The following PDGFA variants were observed in gnomAD, a reference collection of about 807,000 sequenced individuals.
PDGFA encodes platelet derived growth factor subunit A, also known as platelet-derived growth factor subunit A.
Under a neutral mutation model 25.6 loss-of-function variants are expected in PDGFA, and 9 were observed. That is an observed-to-expected ratio of 0.35 (90% CI 0.21 to 0.61). The LOEUF is 0.61. Ranked by LOEUF, PDGFA falls within the 20% of genes least tolerant of loss-of-function variation. The probability of loss-of-function intolerance (pLI) is 0.75; values close to 1 mark genes in which losing one functional copy is unlikely to be tolerated. For missense variants in PDGFA, 242 were observed against 272.8 expected, an observed-to-expected ratio of 0.89 and a Z score of 0.79; for synonymous variants, 133 against 111.8, an observed-to-expected ratio of 1.19 and a Z score of -1.20.
rs549660824 is a variant in PDGFA, at chr7:509,790, A to G, written c.453+1019T>C. On this transcript the variant is annotated intron_variant, in intron 4 of 5. Coordinates refer to ENST00000402802, the Ensembl canonical transcript of PDGFA. Reference sequence around the variant, plus strand: ...GACTTCCAGCCTCCAGAACTTTGAGAAATACATTTGTTGCTAATCAGCTCC... The same window carrying G: ...GACTTCCAGCCTCCAGAACTTTGAGGAATACATTTGTTGCTAATCAGCTCC... Among the ~76,000 whole-genome samples, 6 of 152,212 alleles carry G rather than the reference A, an allele frequency of 3.9e-5. No homozygotes were observed. The South Asian group carries it at 8.3e-4, about 21-fold the overall frequency.
intron 4 of PDGFA, among the ~76,000 whole-genome samples, chr7:508,903 C>T (rs1782683407): frequency 1.3e-5 from 2 of 152,260 alleles, no homozygotes; most frequent in Admixed American, 1.3e-4. Context: ...CAGGAAACCT[C>T]CCTTGCAAAC....
At chr7:504,304 G>A (rs908021661) in intron 4 of PDGFA, among the ~76,000 whole-genome samples, 5 of 151,976 alleles carry the variant, frequency 3.3e-5, no homozygotes, top group African/African-American at 9.7e-5. Flanking sequence ...GGAGAGGCCC[G>A]GCCCGAGGAT....
Position 510,757 on chromosome 7 carries a change from G to A in PDGFA, c.453+52C>T, listed in dbSNP as rs1210697159. The A allele has an allele frequency of 3.6e-5, 19 of 534,322 alleles. 1 individual carries two copies. The highest frequency in any genetic ancestry group is 1.4e-4 in the African/African-American group (4 of 28,078). 33.1% of individuals were successfully genotyped at this position (534,322 alleles called of 1,614,324 possible). On this transcript the variant is annotated intron_variant, in intron 4 of 5. Coordinates refer to ENST00000402802, the Ensembl canonical transcript of PDGFA. ...GGGAGGGGAGAGGAGAGGAGGGGAG[G>A]GGAGAGGAGAGGAGGGGAGGGGAGG...
chr7:502,353 C>G (rs1310496135), intron 4 of PDGFA, among the ~76,000 whole-genome samples: 1 of 104,154 alleles, frequency 9.6e-6, no homozygotes, highest in Non-Finnish European at 2.2e-5. Flanking sequence ...GAGGGCCCCA[C>G]CTCCCCGCCG....
chr7:508,154 C>G (rs1411993277), intron 4 of PDGFA, among the ~76,000 whole-genome samples: 1 of 152,118 alleles, frequency 6.6e-6, no homozygotes, highest in Non-Finnish European at 1.5e-5. Context: ...CCCGGAGAAC[C>G]TTCTCCCCGC....
At chr7:504,505 C>T (rs1312695734) in intron 4 of PDGFA, among the ~76,000 whole-genome samples, 2 of 152,148 alleles carry the variant, frequency 1.3e-5, no homozygotes, top group African/African-American at 4.8e-5. Flanking sequence ...TTCCTCCCCT[C>T]CCCTGGAGGC....
intron 1 of PDGFA, among the ~76,000 whole-genome samples, chr7:518,088 CG>C (rs1783190374): frequency 1.3e-5 from 2 of 152,168 alleles, no homozygotes; most frequent in African/African-American, 4.8e-5. Flanking sequence ...GCGGCCCTAG[CG>C]CCGACTAAGA....
At chr7:497,954 A>AC (rs1562481637) in exon 6 of PDGFA, 13 of 116,320 alleles carry the variant, frequency 1.1e-4, no homozygotes, top group East Asian at 7.6e-4. Flanking sequence ...AAAAAAAAAA[A>AC]AAAACAAAAA....
intron 4 of PDGFA, among the ~76,000 whole-genome samples, chr7:502,874 C>T (rs533996274): frequency 6.6e-6 from 1 of 152,114 alleles, no homozygotes; most frequent in African/African-American, 2.4e-5. Context: ...CTGTATAATG[C>T]ACACACATAC....
rs1562481760 is a variant in PDGFA, at chr7:497,969, A to AC, written c.*594_*595insG. ...AAAAAAAAAAAAAAACAAAAAAAAA[A>AC]AAAACAAAACAAAAACAAAAAAAAA... On this transcript the variant is annotated 3_prime_UTR_variant, in exon 6 of 6. Transcript: ENST00000402802. 23 of 133,738 alleles carry AC rather than the reference A, an allele frequency of 1.7e-4. 1 individual carries two copies. The highest frequency in any genetic ancestry group is 1.2e-3 in the East Asian group (5 of 4,248). 8.3% of individuals were successfully genotyped at this position (133,738 alleles called of 1,614,324 possible).
At position 501,097 on chromosome 7, in the gene PDGFA, G is replaced by A. The variant is rs370883545; in HGVS notation, c.580+19C>T. The A allele has an allele frequency of 2.4e-4, 388 of 1,614,122 alleles. 4 individuals are homozygous for A. The Middle Eastern group carries it at 0.015, about 60-fold the overall frequency. ...AGACCTGTTCTCCAACACCGATGCC[G>A]ACGAAGGCAGCCACTCACCCGTGTC... On this transcript the variant is annotated intron_variant, in intron 5 of 5. Transcript: ENST00000402802.
exon 6 of PDGFA, chr7:497,969 A>AAAAC (rs1782159168): frequency 1.5e-5 from 2 of 133,746 alleles, no homozygotes; most frequent in African/African-American, 2.8e-5. Context: ...CAAAAAAAAA[A>AAAAC]AAAACAAAAC....
At chr7:505,225 C>A (rs1157479292) in intron 4 of PDGFA, among the ~76,000 whole-genome samples, 1 of 152,202 alleles carries the variant, frequency 6.6e-6, no homozygotes, top group Non-Finnish European at 1.5e-5. Flanking sequence ...GGTACCCCGG[C>A]CCCCAGGCCC....
At chr7:498,302 GTTTT>G in exon 6 of PDGFA, 1 of 517,744 alleles carries the variant, frequency 1.9e-6, no homozygotes, top group Non-Finnish European at 3.4e-6. Context: ...GTCATTTGTG[GTTTT>G]GTTTTCTCTC....
At chr7:506,175 CAAA>C (rs34159199) in intron 4 of PDGFA, among the ~76,000 whole-genome samples, 1 of 107,346 alleles carries the variant, frequency 9.3e-6, no homozygotes, top group African/African-American at 3.6e-5. Flanking sequence ...GACTCTGTCT[CAAA>C]AAAAAAAAAA....
At chr7:519,588 G>A (rs1237824670), upstream of PDGFA, among the ~76,000 whole-genome samples, 1 of 145,578 alleles carries the variant, frequency 6.9e-6, no homozygotes, top group Non-Finnish European at 1.5e-5. Context: ...GCGCGGCCCA[G>A]CACCCCCTCC....
At chr7:512,807 C>T in intron 2 of PDGFA, 1 of 507,410 alleles carries the variant, frequency 2.0e-6, no homozygotes, top group South Asian at 2.1e-5. Context: ...GAGGGCTGCC[C>T]CGGGGCAGGA....
At chr7:498,597 G>A (rs765546739) in intron 5 of PDGFA, 23 bp from the exon 6 acceptor site, 1 of 1,609,128 alleles carries the variant, frequency 6.2e-7, no homozygotes, top group South Asian at 1.1e-5. Flanking sequence ...GGGAAAGACA[G>A]ACACTGAGAC....
At chr7:510,153 G>A (rs1782735930) in intron 4 of PDGFA, among the ~76,000 whole-genome samples, 1 of 152,182 alleles carries the variant, frequency 6.6e-6, no homozygotes, top group Admixed American at 6.5e-5. Flanking sequence ...ACCTCGCAAG[G>A]CCCAAAACGG....
Sources: allele counts gnomAD v4.1 joint callset (sites outside exome capture counted in the v4.1 genomes callset), GRCh38; gene constraint gnomAD v4.1.1; transcripts MANE v1.5; gene names NCBI Gene and HGNC (gene_info 2026-07-23, HGNC 2026-07-21).